Variants in ATXN1 observed in about 807,000 individuals in gnomAD.
ATXN1 encodes ataxin 1.
A neutral mutation model predicts 56.4 loss-of-function variants in ATXN1; 8 were observed. The ratio of observed to expected loss-of-function variants is 0.14; its 90% CI spans 0.08 to 0.26. ATXN1 has a LOEUF of 0.26. Ranked by LOEUF, ATXN1 falls within the 10% of genes least tolerant of loss-of-function variation. The pLI is 1.00. For synonymous variants in ATXN1, 514 were observed against 494.6 expected (o/e 1.04, Z -0.52); for missense variants, 987 against 1,106.5 (o/e 0.89, Z 1.53).
intron 5 of ATXN1, among the ~76,000 whole-genome samples, chr6:16,487,809 TAGA>T (rs1402497161): frequency 6.6e-6 from 1 of 152,176 alleles, no homozygotes; most frequent in Non-Finnish European, 1.5e-5. Context: ...GTACCTCACT[TAGA>T]AGGAGGGTCT....
intron 4 of ATXN1, among the ~76,000 whole-genome samples, chr6:16,525,946 A>G (rs1025056505): frequency 1.3e-5 from 2 of 151,166 alleles, no homozygotes; most frequent in African/African-American, 4.9e-5. Flanking sequence ...AAGTCCCACT[A>G]ATAATCACTA....
intron 6 of ATXN1, among the ~76,000 whole-genome samples, chr6:16,411,141 A>AAAAAG (rs970833891): frequency 5.5e-4 from 83 of 150,678 alleles, no homozygotes; most frequent in African/African-American, 1.1e-3. Flanking sequence ...AAAAAAAAAA[A>AAAAAG]AAAAGAAAAG....
At chr6:16,728,712 C>A (rs969909145) in intron 2 of ATXN1, among the ~76,000 whole-genome samples, 5 of 152,154 alleles carry the variant, frequency 3.3e-5, no homozygotes, top group Non-Finnish European at 7.3e-5. Context: ...GATGAAGAAA[C>A]TGAGGCACAG....
intron 3 of ATXN1, among the ~76,000 whole-genome samples, chr6:16,642,040 A>G (rs1017100049): frequency 3.3e-5 from 5 of 152,152 alleles, no homozygotes; most frequent in African/African-American, 4.8e-5. Context: ...GATTGCTGCA[A>G]TCTCATGATC....
chr6:16,578,728 A>G (rs1295608394), intron 4 of ATXN1, among the ~76,000 whole-genome samples: 1 of 148,070 alleles, frequency 6.8e-6, no homozygotes, highest in East Asian at 1.9e-4. Context: ...TGATAACTAG[A>G]GTAGCAGGAA....
chr6:16,547,458 A>G (rs1761835054), intron 4 of ATXN1, among the ~76,000 whole-genome samples: 2 of 152,206 alleles, frequency 1.3e-5, no homozygotes. Flanking sequence ...ACCAGGCGTC[A>G]GAGAGAAGCG....
chr6:16,660,238 T>C (rs1288940869), intron 2 of ATXN1, among the ~76,000 whole-genome samples: 1 of 152,232 alleles, frequency 6.6e-6, no homozygotes, highest in Non-Finnish European at 1.5e-5. Context: ...CTATCCCTTC[T>C]TGTTTACCAT....
At chr6:16,537,806 TA>T (rs1434673641) in intron 4 of ATXN1, among the ~76,000 whole-genome samples, 2 of 151,092 alleles carry the variant, frequency 1.3e-5, no homozygotes, top group African/African-American at 4.9e-5. Flanking sequence ...ATTTGGAAGC[TA>T]AAAAAGGTGT....
At chr6:16,643,429 G>A (rs1305330085) in intron 3 of ATXN1, among the ~76,000 whole-genome samples, 1 of 151,922 alleles carries the variant, frequency 6.6e-6, no homozygotes, top group East Asian at 1.9e-4. Flanking sequence ...AGGAGTTTAA[G>A]ACAAGCCTGG....
At chr6:16,516,888 T>C (rs2113690286) in intron 5 of ATXN1, among the ~76,000 whole-genome samples, 1 of 152,322 alleles carries the variant, frequency 6.6e-6, no homozygotes, top group East Asian at 1.9e-4. Context: ...AGGGCTTACC[T>C]TTTCACCCTC....
chr6:16,565,510 C>A (rs1044999278), intron 4 of ATXN1, among the ~76,000 whole-genome samples: 1 of 152,032 alleles, frequency 6.6e-6, no homozygotes, highest in Admixed American at 6.5e-5. Flanking sequence ...TTTAAAGGAA[C>A]GTTGAGGTTA....
At chr6:16,412,944 G>A (rs1324543) in intron 6 of ATXN1, among the ~76,000 whole-genome samples, 60,604 of 151,884 alleles carry the variant, frequency 0.4, 13,279 homozygotes, top group East Asian at 0.92. Flanking sequence ...TCATCAAAGT[G>A]GATGAGGGCT....
rs1354360084 is a variant in ATXN1 at position 16,302,662 on chromosome 6, T to C, written c.*3667A>G. ...GAGGTTCTTGTTTGTTGGTTTCTTA[T>C]TAATAGTATTATTTTTTTCTTTTCG... On this transcript the variant is annotated 3_prime_UTR_variant, in exon 8 of 8. Coordinates refer to ENST00000436367, the MANE Select transcript of ATXN1 (RefSeq NM_001128164.2). 6.6e-6 allele frequency: 1 copy of C among 152,654 alleles called. No individual in the cohort carries two copies. The highest frequency in any genetic ancestry group is 6.5e-5 in the Admixed American group (1 of 15,280). 9.5% of individuals were successfully genotyped at this position (152,654 alleles called of 1,614,324 possible). A position where few individuals can be genotyped will look rare whatever the true frequency, so the allele number is the denominator to read the frequency against.
intron 2 of ATXN1, chr6:16,738,691 A>G (rs1471642373): frequency 6.6e-6 from 1 of 152,250 alleles, no homozygotes; most frequent in Non-Finnish European, 1.5e-5. Context: ...GCCCTGGCTT[A>G]GAAATGTTAT....
chr6:16,366,401 T>C (rs1254784360), intron 6 of ATXN1, among the ~76,000 whole-genome samples: 1 of 152,104 alleles, frequency 6.6e-6, no homozygotes, highest in African/African-American at 2.4e-5. Context: ...GAAGCAGGAA[T>C]GAATTTAGAA....
chr6:16,472,952 C>T (rs1251432941), intron 6 of ATXN1, among the ~76,000 whole-genome samples: 2 of 152,146 alleles, frequency 1.3e-5, no homozygotes, highest in African/African-American at 4.8e-5. Context: ...GGCCTGCCTG[C>T]CCCTGGAAGA....
intron 3 of ATXN1, among the ~76,000 whole-genome samples, chr6:16,600,027 G>A (rs768639227): frequency 8.5e-5 from 13 of 152,136 alleles, no homozygotes; most frequent in African/African-American, 2.2e-4. Flanking sequence ...GGTTCATTGC[G>A]TCTTTTTTCT....
chr6:16,338,201 A>C (rs1401281887), intron 6 of ATXN1, among the ~76,000 whole-genome samples: 3 of 152,222 alleles, frequency 2.0e-5, no homozygotes, highest in African/African-American at 4.8e-5. Context: ...CATTTTTAAA[A>C]ATATAATTTT....
intron 6 of ATXN1, among the ~76,000 whole-genome samples, chr6:16,423,109 T>C (rs1317561334): frequency 3.3e-5 from 5 of 152,178 alleles, no homozygotes; most frequent in Non-Finnish European, 7.4e-5. Context: ...TGAATACATT[T>C]CACTTGTTAG....
Sources: gnomAD v4.1 joint callset for allele counts (sites outside exome capture counted in the v4.1 genomes callset) on GRCh38, gnomAD v4.1.1 for gene constraint, MANE v1.5 for transcripts, NCBI Gene and HGNC (gene_info 2026-07-23, HGNC 2026-07-21) for gene names.